MYLK: variants seen among roughly 807,000 people sequenced by gnomAD.
The protein encoded by MYLK is myosin light chain kinase, smooth muscle.
In MYLK, 106 loss-of-function variants were observed where a neutral mutation model predicts 203.4. The ratio of observed to expected loss-of-function variants is 0.52; its 90% CI spans 0.45 to 0.61. MYLK has a LOEUF of 0.61. Ranked by LOEUF, MYLK falls within the 20% of genes least tolerant of loss-of-function variation. MYLK has a pLI of 0.00. For synonymous variants in MYLK, 867 were observed against 959.5 expected (o/e 0.90, Z 1.78); for missense variants, 2,072 against 2,442.3 (o/e 0.85, Z 3.20).
chr3:123,640,202 G>C lies in MYLK; in HGVS notation c.4837+85C>G. 1 of 1,291,980 alleles carries C rather than the reference G, an allele frequency of 7.7e-7. No homozygotes were observed. Among genetic ancestry groups the C allele is most frequent in the Non-Finnish European group, 1.1e-6 (1 of 890,996 alleles). 80.0% of individuals were successfully genotyped at this position (1,291,980 alleles called of 1,614,324 possible). A position where few individuals can be genotyped will look rare whatever the true frequency, so the allele number is the denominator to read the frequency against. ...TGGTCTCGGATTTAACCCCAATACT[G>C]TATGTTTCCTCTCACACTCAGTGTG... On this transcript the variant is annotated intron_variant, in intron 28 of 33. Coordinates refer to ENST00000360304, the MANE Select transcript of MYLK (RefSeq NM_053025.4). This position sits in a 1 kb window ranked among gnomAD's most constrained non-coding sequence, Gnocchi z 4.3.
chr3:123,762,797 G>C (rs1299239554), intron 4 of MYLK, among the ~76,000 whole-genome samples: 3 of 152,148 alleles, frequency 2.0e-5, no homozygotes, highest in African/African-American at 7.2e-5. Flanking sequence ...GCAGCAACAA[G>C]GTGCTCTCTT....
intron 31 of MYLK, chr3:123,622,769 A>G (rs1366727263): frequency 6.6e-6 from 1 of 152,278 alleles, no homozygotes; most frequent in Non-Finnish European, 1.5e-5. Flanking sequence ...TGTCAGAACT[A>G]GAAATGAATA....
chr3:123,679,902 AC>A (rs1305211734), intron 20 of MYLK, among the ~76,000 whole-genome samples: 4 of 151,960 alleles, frequency 2.6e-5, no homozygotes, highest in African/African-American at 4.8e-5. Context: ...AGCAGGGGAG[AC>A]CCCCTTCTGC....
chr3:123,865,565 G>C (rs1409766632), intron 2 of MYLK, among the ~76,000 whole-genome samples: 1 of 152,182 alleles, frequency 6.6e-6, no homozygotes, highest in Non-Finnish European at 1.5e-5. Context: ...TAATGTGCTA[G>C]GTGCTTCAAA....
At chr3:123,685,687 C>T (rs1388382178) in intron 19 of MYLK, among the ~76,000 whole-genome samples, 1 of 151,564 alleles carries the variant, frequency 6.6e-6, no homozygotes, top group African/African-American at 2.4e-5. Flanking sequence ...CATTCCCTTA[C>T]CTCCTTCTGA....
At chr3:123,745,667 G>A (rs961845136) in intron 5 of MYLK, among the ~76,000 whole-genome samples, 1 of 152,070 alleles carries the variant, frequency 6.6e-6, no homozygotes, top group Admixed American at 6.5e-5. Flanking sequence ...AGCTACAGAG[G>A]CAGTCAACAA....
intron 31 of MYLK, 29 bp from the exon 32 acceptor site, chr3:123,620,365 A>T (rs763701684): frequency 1.2e-6 from 2 of 1,613,836 alleles, no homozygotes; most frequent in East Asian, 2.2e-5. Flanking sequence ...GGTTGGACTC[A>T]GGCGTTGTCC....
intron 3 of MYLK, among the ~76,000 whole-genome samples, chr3:123,807,622 G>T (rs1449830234): frequency 6.6e-6 from 1 of 152,156 alleles, no homozygotes; most frequent in Non-Finnish European, 1.5e-5. Flanking sequence ...AACAAACGGG[G>T]TGACTTCATT....
chr3:123,724,512 G>A (rs1248270906), intron 12 of MYLK, among the ~76,000 whole-genome samples: 1 of 152,008 alleles, frequency 6.6e-6, no homozygotes, highest in Non-Finnish European at 1.5e-5. Flanking sequence ...CTTTGCTAAG[G>A]GCTGGGAGGG....
At chr3:123,702,455 T>A (rs1463096105) in intron 16 of MYLK, among the ~76,000 whole-genome samples, 1 of 152,182 alleles carries the variant, frequency 6.6e-6, no homozygotes, top group Non-Finnish European at 1.5e-5. Flanking sequence ...TATAGAGTAC[T>A]GCCATGCCCA....
At position 123,629,437 on chromosome 3, in the gene MYLK, GAGTAGGGAAGCAA is replaced by G; in HGVS notation, c.5114+24_5114+36del. The G allele has an allele frequency of 6.2e-7, 1 of 1,613,360 alleles. No homozygotes were observed. Among genetic ancestry groups the G allele is most frequent in the Non-Finnish European group, 8.5e-7 (1 of 1,179,518 alleles). ...CCTTTGCTTCCCAACACAGGGCAGG[GAGTAGGGAAGCAA>G]AGACTGAAATCCCAACTCATTACTT... On this transcript the variant is annotated intron_variant, in intron 30 of 33. Coordinates refer to ENST00000360304, the MANE Select transcript of MYLK (RefSeq NM_053025.4). This position sits in a 1 kb window ranked among gnomAD's most constrained non-coding sequence, Gnocchi z 4.4.
At position 123,733,930 on chromosome 3, in the gene MYLK, G is replaced by A; in HGVS notation, c.1066C>T (p.Pro356Ser). 1.9e-6 allele frequency: 3 copies of A among 1,614,220 alleles called. No homozygotes were observed. Among genetic ancestry groups the A allele is most frequent in the Middle Eastern group, 1.6e-4 (1 of 6,062 alleles). Reference protein sequence around the residue: ...TLQAARVQPEPRAPGLGVLSP... With the variant: ...TLQAARVQPESRAPGLGVLSP... ...AGGACCCCCAGGCCTGGTGCTCTTGGTTCCGGCTGAACTCTTGCGGCCTGC... is the reference window on the plus strand; with the variant it reads ...AGGACCCCCAGGCCTGGTGCTCTTGATTCCGGCTGAACTCTTGCGGCCTGC... The change falls in exon 10 of 34, where the codon CCA becomes TCA. Residue 356 changes from proline (P) to serine (S), a missense_variant. Pro to Ser is a moderately conservative substitution (Grantham distance 74). This residue lies in a region of MYLK where 683 missense variants were observed against 643.8 expected (regional missense o/e 1.06). Transcript: ENST00000360304.
intron 12 of MYLK, 35 bp downstream of exon 12, chr3:123,725,909 G>T: frequency 6.2e-7 from 1 of 1,608,558 alleles, no homozygotes; most frequent in Non-Finnish European, 8.5e-7. Context: ...GGGCCCAGGG[G>T]ATGGGAGCAG....
chr3:123,749,193 C>T (rs1384731228), intron 5 of MYLK, among the ~76,000 whole-genome samples: 1 of 151,660 alleles, frequency 6.6e-6, no homozygotes, highest in Non-Finnish European at 1.5e-5. Context: ...GTAGGAGGAT[C>T]GCTTGAGCCC....
intron 3 of MYLK, among the ~76,000 whole-genome samples, chr3:123,800,357 G>A (rs1195113437): frequency 1.3e-5 from 2 of 152,124 alleles, no homozygotes; most frequent in Non-Finnish European, 2.9e-5. Context: ...TTACCACCCA[G>A]GGATCATAAG....
At chr3:123,661,970 T>A (rs749406042) in intron 23 of MYLK, among the ~76,000 whole-genome samples, 1 of 152,222 alleles carries the variant, frequency 6.6e-6, no homozygotes, top group Non-Finnish European at 1.5e-5. Context: ...TCTGTATTAC[T>A]TTGACCTTTA....
intron 3 of MYLK, among the ~76,000 whole-genome samples, chr3:123,829,713 G>A (rs1196772692): frequency 6.6e-6 from 1 of 152,058 alleles, no homozygotes; most frequent in Admixed American, 6.5e-5. Flanking sequence ...CCATGAATAT[G>A]CACAACTATT....
intron 24 of MYLK, 72 bp from the exon 25 acceptor site, chr3:123,649,266 T>G: frequency 6.3e-7 from 1 of 1,599,366 alleles, no homozygotes; most frequent in South Asian, 1.1e-5. Context: ...GAGCAAGATG[T>G]GCTGGGGGCC....
intron 3 of MYLK, among the ~76,000 whole-genome samples, chr3:123,810,238 C>A (rs1292344014): frequency 6.6e-6 from 1 of 152,178 alleles, no homozygotes; most frequent in African/African-American, 2.4e-5. Context: ...AGGCCCCTCC[C>A]CCAGACCTCA....
Sources: allele counts gnomAD v4.1 joint callset (sites outside exome capture counted in the v4.1 genomes callset), GRCh38; gene constraint gnomAD v4.1.1; regional missense constraint gnomAD v4.1.1; non-coding constraint Gnocchi (gnomAD v3.1); transcripts MANE v1.5; gene names NCBI Gene and HGNC (gene_info 2026-07-23, HGNC 2026-07-21).